THSD7A: variants seen among roughly 807,000 people sequenced by gnomAD.
THSD7A encodes the protein thrombospondin type-1 domain-containing protein 7A.
Under a neutral mutation model 231.3 loss-of-function variants are expected in THSD7A, and 96 were observed. The ratio of observed to expected loss-of-function variants is 0.41; its 90% confidence interval spans 0.35 to 0.49. The LOEUF (loss-of-function observed/expected upper bound fraction) is 0.49, where lower values mean the gene tolerates loss of function less well. THSD7A is among the 20% of genes least tolerant of loss of function. The pLI is 0.05. For synonymous variants in THSD7A, 940 were observed against 743.3 expected, an observed-to-expected ratio of 1.26 and a Z score of -4.30; for missense variants, 2,290 against 2,070.2, an observed-to-expected ratio of 1.11 and a Z score of -2.06.
chr7:11,715,762 C>A, intron 1 of THSD7A, among the ~76,000 whole-genome samples: 1 of 151,536 alleles, frequency 6.6e-6, no homozygotes, highest in Non-Finnish European at 1.5e-5. Context: ...AAATAAAAAA[C>A]CACAAGGGTC....
chr7:11,693,850 G>C (rs768897565), intron 1 of THSD7A, among the ~76,000 whole-genome samples: 1 of 151,270 alleles, frequency 6.6e-6, no homozygotes. Flanking sequence ...ATTTTAATAA[G>C]GTTTTATAAT....
At chr7:11,775,616 T>C (rs1241450274) in intron 1 of THSD7A, among the ~76,000 whole-genome samples, 4 of 152,148 alleles carry the variant, frequency 2.6e-5, no homozygotes, top group African/African-American at 9.7e-5. Context: ...ATTTCACTTA[T>C]ATGAAGTACC....
At chr7:11,395,055 G>T (rs1275679450) in intron 23 of THSD7A, among the ~76,000 whole-genome samples, 4 of 152,014 alleles carry the variant, frequency 2.6e-5, no homozygotes, top group Non-Finnish European at 4.4e-5. Flanking sequence ...CCATTGGTGG[G>T]CTATATTCAG....
intron 1 of THSD7A, among the ~76,000 whole-genome samples, chr7:11,697,956 T>A (rs903707758): frequency 2.6e-5 from 4 of 151,420 alleles, no homozygotes; most frequent in African/African-American, 4.8e-5. Flanking sequence ...GATACTTGGT[T>A]CTTCAACTAT....
rs1783785241 is a variant in THSD7A at position 11,411,468 on chromosome 7, C to T, written c.3683-146G>A. ...CATCCCCCATGCAGAGCATATGGGT[C>T]CCAGCTTTGAACGTATCAGGAGTCA... On this transcript the variant is annotated intron_variant, in intron 18 of 27. Transcript: ENST00000423059. This position sits in a 1 kb window ranked among gnomAD's most constrained non-coding sequence, Gnocchi z 4.1. The T allele has an allele frequency of 1.6e-6, 1 of 611,944 alleles. No individual in the cohort carries two copies. The highest frequency in any genetic ancestry group is 2.9e-6 in the Non-Finnish European group (1 of 348,356). 37.9% of individuals were successfully genotyped at this position (611,944 alleles called of 1,614,324 possible). A position where few individuals can be genotyped will look rare whatever the true frequency, so the allele number is the denominator to read the frequency against.
intron 11 of THSD7A, among the ~76,000 whole-genome samples, chr7:11,449,670 G>A (rs1464572921): frequency 2.0e-5 from 3 of 152,166 alleles, no homozygotes; most frequent in Non-Finnish European, 4.4e-5. Context: ...GTAACACAGT[G>A]TAGGAGAAAT....
At chr7:11,477,825 C>G (rs910934018) in intron 7 of THSD7A, among the ~76,000 whole-genome samples, 1 of 152,152 alleles carries the variant, frequency 6.6e-6, no homozygotes, top group Non-Finnish European at 1.5e-5. Flanking sequence ...CTACTTACTT[C>G]TGTTGAGGTC....
In THSD7A at chr7:11,373,405, G is replaced by T. The variant is rs1395613617; in HGVS notation, c.*2389C>A. 1 of 151,922 alleles carries T rather than the reference G, an allele frequency of 6.6e-6. No individual in the cohort carries two copies. The highest frequency in any genetic ancestry group is 2.4e-5 in the African/African-American group (1 of 41,398). 9.4% of individuals were successfully genotyped at this position (151,922 alleles called of 1,614,324 possible). On this transcript the variant is annotated 3_prime_UTR_variant, in exon 28 of 28. Transcript: ENST00000423059. ...AAAGAGATCAACTTTAGGATTATCT[G>T]GAAGACCCCTGATTATATATATTGA...
chr7:11,418,202 A>T (rs367697731), intron 16 of THSD7A, among the ~76,000 whole-genome samples: 4 of 152,172 alleles, frequency 2.6e-5, no homozygotes, highest in African/African-American at 9.7e-5. Context: ...GTGAATCTTA[A>T]AAGAAAGTGA....
intron 1 of THSD7A, among the ~76,000 whole-genome samples, chr7:11,699,245 C>G (rs1389459641): frequency 6.6e-6 from 1 of 151,026 alleles, no homozygotes; most frequent in African/African-American, 2.4e-5. Flanking sequence ...AACTATGACC[C>G]AGGGCCACAA....
At chr7:11,447,110 T>C in intron 12 of THSD7A, 120 bp downstream of exon 12, 1 of 917,858 alleles carries the variant, frequency 1.1e-6, no homozygotes, top group South Asian at 1.7e-5. Flanking sequence ...ATTTAAAATA[T>C]ACATCTAAAT....
chr7:11,824,467 T>C (rs1422768341), intron 1 of THSD7A, among the ~76,000 whole-genome samples: 2 of 152,072 alleles, frequency 1.3e-5, no homozygotes, highest in Non-Finnish European at 2.9e-5. Flanking sequence ...ACAGTAATAA[T>C]GGGCAGAAGA....
At chr7:11,760,288 T>C (rs1308610802) in intron 1 of THSD7A, among the ~76,000 whole-genome samples, 4 of 152,112 alleles carry the variant, frequency 2.6e-5, no homozygotes, top group South Asian at 4.1e-4. Flanking sequence ...AGAATAAATA[T>C]AATGTTTGTT....
At chr7:11,534,351 A>G (rs62432828) in intron 6 of THSD7A, among the ~76,000 whole-genome samples, 4,453 of 152,268 alleles carry the variant, frequency 0.029, 132 homozygotes, top group African/African-American at 0.057. Context: ...ATATTGTGTG[A>G]GTTCAAGAGG....
intron 1 of THSD7A, among the ~76,000 whole-genome samples, chr7:11,750,842 C>T (rs973619430): frequency 6.6e-6 from 1 of 152,010 alleles, no homozygotes; most frequent in African/African-American, 2.4e-5. Context: ...GACAGTAATA[C>T]ACTTATTGTG....
At chr7:11,469,455 A>G (rs1190033299) in intron 9 of THSD7A, among the ~76,000 whole-genome samples, 9 of 152,090 alleles carry the variant, frequency 5.9e-5, no homozygotes, top group East Asian at 5.8e-4. Context: ...TTTTATTCCT[A>G]TTCTTGGGGC....
chr7:11,407,391 C>G lies in THSD7A; in HGVS notation c.3831G>C (p.Thr1277=). ...LGLEKNWQMN[T]SCMVECPVNC... is the part of the protein sequence containing the mutation. ...TCACAGGGCATTCCACCATGCAGGA[C>G]GTGTTCATCTGCCAGTTCTTCTCCA... The change falls in exon 20 of 28, where the codon ACG becomes ACC. Residue 1277 remains threonine, a synonymous_variant. Coordinates refer to ENST00000423059, the MANE Select transcript of THSD7A (RefSeq NM_015204.3). 6.2e-7 allele frequency: 1 copy of G among 1,613,376 alleles called. No individual in the cohort carries two copies. Among genetic ancestry groups the G allele is most frequent in the Middle Eastern group, 1.6e-4 (1 of 6,062 alleles).
chr7:11,647,254 C>T (rs1188552329), intron 1 of THSD7A, among the ~76,000 whole-genome samples: 2 of 152,134 alleles, frequency 1.3e-5, no homozygotes, highest in African/African-American at 2.4e-5. Flanking sequence ...TCTAGAACTA[C>T]ATCCTCCAAT....
intron 1 of THSD7A, among the ~76,000 whole-genome samples, chr7:11,647,521 G>A (rs1782328297): frequency 6.6e-6 from 1 of 152,046 alleles, no homozygotes; most frequent in Admixed American, 6.6e-5. Flanking sequence ...CTGCTTTTGG[G>A]TAATGAGTAT....
Sources: allele counts gnomAD v4.1 joint callset (sites outside exome capture counted in the v4.1 genomes callset), GRCh38; gene constraint gnomAD v4.1.1; non-coding constraint Gnocchi (gnomAD v3.1); transcripts MANE v1.5; gene names NCBI Gene and HGNC (gene_info 2026-07-23, HGNC 2026-07-21).